Variants in C11orf65 observed in about 807,000 individuals in gnomAD.
C11orf65 encodes the protein chromosome 11 open reading frame 65.
Under a neutral mutation model 35.3 loss-of-function variants are expected in C11orf65, and 38 were observed. The ratio of observed to expected loss-of-function variants is 1.08; its 90% CI spans 0.83 to 1.41. C11orf65 has a LOEUF of 1.41. Ranked by LOEUF, C11orf65 falls within the 40% of genes most tolerant of loss-of-function variation. C11orf65 has a pLI of 0.00. For synonymous variants in C11orf65, 105 were observed against 114.4 expected (o/e 0.92, Z 0.53); for missense variants, 370 against 367.1 (o/e 1.01, Z -0.06).
intron 5 of C11orf65, 97 bp from the exon 6 acceptor site, chr11:108,405,656 T>C (rs751501898): frequency 4.0e-6 from 5 of 1,235,668 alleles, no homozygotes; most frequent in Admixed American, 2.0e-5. Context: ...AGTAGGAATA[T>C]GGCAAGATAG....
chr11:108,369,890 T>C (rs2091505231), intron 2 of C11orf65, among the ~76,000 whole-genome samples: 2 of 152,144 alleles, frequency 1.3e-5, no homozygotes, highest in African/African-American at 4.8e-5. Flanking sequence ...TATACACTTG[T>C]TAGTCAGTAT....
intron 3 of C11orf65, among the ~76,000 whole-genome samples, chr11:108,415,838 G>T (rs1362971785): frequency 6.6e-6 from 1 of 152,068 alleles, no homozygotes; most frequent in Non-Finnish European, 1.5e-5. Flanking sequence ...TGACAAAGGG[G>T]CAAAGGCAAT....
At position 108,353,881 on chromosome 11, in the gene C11orf65, G is replaced by A. The variant is rs17174393; in HGVS notation, c.227-18589C>T. Reference sequence around the variant, plus strand: ...CGGGTGTTGAAGGTGTCTTCAGAAGGTAAGTGATATGAAGTAAAGGAGGGA... The same window carrying A: ...CGGGTGTTGAAGGTGTCTTCAGAAGATAAGTGATATGAAGTAAAGGAGGGA... On this transcript the variant is annotated intron_variant, in intron 2 of 3. Transcript: ENST00000524755. 3.0e-5 allele frequency: 48 copies of A among 1,608,514 alleles called. No homozygotes were observed. Among genetic ancestry groups the A allele is most frequent in the Non-Finnish European group, 3.9e-5 (46 of 1,175,114 alleles).
At chr11:108,400,021 T>G (rs1466448598) in intron 6 of C11orf65, among the ~76,000 whole-genome samples, 1 of 152,234 alleles carries the variant, frequency 6.6e-6, no homozygotes, top group African/African-American at 2.4e-5. Flanking sequence ...CTGTTGGGAC[T>G]GCTGGGCCAT....
downstream of C11orf65, among the ~76,000 whole-genome samples, chr11:108,327,072 C>T (rs535370692): frequency 2.6e-5 from 4 of 152,264 alleles, no homozygotes; most frequent in South Asian, 8.3e-4. Context: ...AGGCAATCTA[C>T]CCGCCTTGTC....
At chr11:108,469,866 G>C (rs187046996), upstream of C11orf65, among the ~76,000 whole-genome samples, 4 of 152,194 alleles carry the variant, frequency 2.6e-5, no homozygotes, top group East Asian at 7.7e-4. Flanking sequence ...GAACTTCTGG[G>C]TGGTTTCACA....
At chr11:108,422,240 T>C (rs1462389738) in intron 3 of C11orf65, among the ~76,000 whole-genome samples, 1 of 152,194 alleles carries the variant, frequency 6.6e-6, no homozygotes, top group Non-Finnish European at 1.5e-5. Context: ...CACTTATTCT[T>C]AGAATTCCTT....
intron 6 of C11orf65, among the ~76,000 whole-genome samples, chr11:108,404,256 A>G (rs537753115): frequency 2.6e-5 from 4 of 152,328 alleles, no homozygotes; most frequent in Non-Finnish European, 5.9e-5. Flanking sequence ...TGTAATGTAT[A>G]TGGAACTTCC....
rs1399938610 is a variant in C11orf65 at position 108,317,433 on chromosome 11, G to A, written c.641-8362C>T. Reference sequence around the variant, plus strand: ...CGTCTATTTAAAAGGATTGGATTATGAAAATAAAGACTGGTGTCCTGAACT... The same window carrying A: ...CGTCTATTTAAAAGGATTGGATTATAAAAATAAAGACTGGTGTCCTGAACT... On this transcript the variant is annotated intron_variant, in intron 6 of 6. Coordinates refer to the C11orf65 transcript ENST00000525729. The A allele has an allele frequency of 1.2e-6, 2 of 1,611,658 alleles. No individual in the cohort carries two copies. The highest frequency in any genetic ancestry group is 1.7e-6 in the Non-Finnish European group (2 of 1,178,948).
intron 2 of C11orf65, among the ~76,000 whole-genome samples, chr11:108,433,578 T>TCAAAACAAAACAAAA (rs140429504): frequency 0.05 from 7,376 of 148,862 alleles, 237 homozygotes; most frequent in Non-Finnish European, 0.063. Context: ...AGACTCCGTC[T>TCAAAACAAAACAAAA]CAAAACAAAA....
At chr11:108,448,143 T>C (rs11523944) in intron 2 of C11orf65, among the ~76,000 whole-genome samples, 1,573 of 152,264 alleles carry the variant, frequency 0.01, 11 homozygotes, top group Non-Finnish European at 0.019. Flanking sequence ...CAATAATCAA[T>C]AGCTTACCAA....
At chr11:108,422,074 C>T (rs556496664) in intron 3 of C11orf65, among the ~76,000 whole-genome samples, 8 of 152,216 alleles carry the variant, frequency 5.3e-5, no homozygotes, top group African/African-American at 1.4e-4. Flanking sequence ...GGACTACAGG[C>T]GCATGCCACC....
chr11:108,427,721 CAAAAAAAA>C (rs1176005299), intron 3 of C11orf65, among the ~76,000 whole-genome samples: 2 of 40,738 alleles, frequency 4.9e-5, no homozygotes, highest in African/African-American at 9.4e-5. Flanking sequence ...AACTCCGCCT[CAAAAAAAA>C]AAAAAAAAAA....
At chr11:108,351,766 G>A (rs1198114375) in intron 2 of C11orf65, among the ~76,000 whole-genome samples, 1 of 152,160 alleles carries the variant, frequency 6.6e-6, no homozygotes, top group African/African-American at 2.4e-5. Context: ...CATGTCATAG[G>A]GTCCATCCTG....
chr11:108,355,583 G>C (rs1356394164), intron 2 of C11orf65: 1 of 152,596 alleles, frequency 6.6e-6, no homozygotes, highest in African/African-American at 2.4e-5. Flanking sequence ...GGCAGGTAGA[G>C]TGCAGTATGG....
chr11:108,343,138 T>C (rs2136932808), intron 2 of C11orf65: 1 of 1,560,242 alleles, frequency 6.4e-7, no homozygotes, highest in South Asian at 1.1e-5. Context: ...AAAAATGCTT[T>C]GCACTGACTC....
intron 2 of C11orf65, among the ~76,000 whole-genome samples, chr11:108,434,334 A>T (rs1431907105): frequency 1.3e-5 from 2 of 151,938 alleles, no homozygotes; most frequent in Non-Finnish European, 2.9e-5. Flanking sequence ...GTGAAACCAC[A>T]TCTCTACTAA....
chr11:108,362,836 T>A (rs1343705397), intron 2 of C11orf65, among the ~76,000 whole-genome samples: 1 of 148,360 alleles, frequency 6.7e-6, no homozygotes, highest in Non-Finnish European at 1.5e-5. Flanking sequence ...CATTGGGAGA[T>A]ATACCTAATG....
chr11:108,395,745 C>T (rs1239817966), intron 6 of C11orf65, among the ~76,000 whole-genome samples: 20 of 151,324 alleles, frequency 1.3e-4, no homozygotes, highest in African/African-American at 3.9e-4. Context: ...CTCAGCCTCC[C>T]GAGTAGCTGG....
Sources: allele counts gnomAD v4.1 joint callset (sites outside exome capture counted in the v4.1 genomes callset), GRCh38; gene constraint gnomAD v4.1.1; transcripts MANE v1.5; gene names NCBI Gene and HGNC (gene_info 2026-07-23, HGNC 2026-07-21).